SETBP1: variants seen among roughly 807,000 people sequenced by gnomAD.
SETBP1 encodes SET-binding protein.
A neutral mutation model predicts 101.0 loss-of-function variants in SETBP1; 9 were observed. The observed-to-expected ratio is 0.09, with a 90% CI of 0.05 to 0.16. The LOEUF (loss-of-function observed/expected upper bound fraction) is 0.16. Among genes scored for constraint, SETBP1 ranks in the 10% least tolerant of loss-of-function variants. The pLI is 1.00. For synonymous variants in SETBP1, 818 were observed against 788.5 expected, an observed-to-expected ratio of 1.04 and a Z score of -0.63; for missense variants, 1,858 against 2,033.8, an observed-to-expected ratio of 0.91 and a Z score of 1.66.
rs528390186 is a variant in SETBP1, at chr18:44,802,434, G to T, written c.487-66796G>T. Among the ~76,000 whole-genome samples the T allele has an allele frequency of 1.8e-4, 28 of 152,272 alleles. 1 individual carries two copies. The highest frequency in any genetic ancestry group is 6.7e-4 in the African/African-American group (28 of 41,568). On this transcript the variant is annotated intron_variant, in intron 2 of 5. Transcript: ENST00000649279. The stretch of plus-strand genomic sequence containing the variant: ...AAGTGTCTGACTATATACAACCAAA[G>T]AATAAGCGACAACTTTGCTTATTTG...
chr18:44,794,648 G>A (rs2071436170), intron 2 of SETBP1, among the ~76,000 whole-genome samples: 1 of 152,112 alleles, frequency 6.6e-6, no homozygotes, highest in Non-Finnish European at 1.5e-5. Context: ...CAGCCCTCTT[G>A]GTGTCGTTCT....
intron 2 of SETBP1, among the ~76,000 whole-genome samples, chr18:44,862,454 T>C (rs1032959881): frequency 1.3e-5 from 2 of 152,218 alleles, no homozygotes; most frequent in Admixed American, 6.5e-5. Flanking sequence ...ATTTTGAGTA[T>C]ATAACTTGCT....
rs1389070768 is a variant in SETBP1 at position 44,865,734 on chromosome 18, C to A, written c.487-3496C>A. 2.3e-5 allele frequency among the ~76,000 whole-genome samples: 3 copies of A among 129,182 alleles called. No individual in the cohort carries two copies. The Admixed American group carries it at 2.5e-4, about 11-fold the overall frequency. 84.7% of individuals were successfully genotyped at this position (129,182 alleles called of 152,430 possible). ...TTAGAACCCAGAAAGGCCAGGAAGGCAGAAGGCCAGAAAAGCCAGAAAGGC... is the reference window on the plus strand; with the variant it reads ...TTAGAACCCAGAAAGGCCAGGAAGGAAGAAGGCCAGAAAAGCCAGAAAGGC... On this transcript the variant is annotated intron_variant, in intron 2 of 5. Transcript: ENST00000649279.
chr18:44,990,644 CAT>C (rs2072347901), intron 4 of SETBP1, among the ~76,000 whole-genome samples: 1 of 150,924 alleles, frequency 6.6e-6, no homozygotes, highest in South Asian at 2.1e-4. Flanking sequence ...CAAAAAAAAA[CAT>C]ACACACACAC....
intron 2 of SETBP1, among the ~76,000 whole-genome samples, chr18:44,709,574 A>G (rs939082338): frequency 2.0e-5 from 3 of 152,188 alleles, no homozygotes; most frequent in Admixed American, 2.0e-4. Context: ...TCCGTTGGAC[A>G]CTTAGGACAG....
At chr18:44,796,397 T>C (rs978286954) in intron 2 of SETBP1, among the ~76,000 whole-genome samples, 1 of 152,194 alleles carries the variant, frequency 6.6e-6, no homozygotes, top group Non-Finnish European at 1.5e-5. Flanking sequence ...CTAGTGGTAA[T>C]CTAGACCAGT....
At position 44,893,744 on chromosome 18, in the gene SETBP1, CAA is replaced by C. The variant is rs546766499; in HGVS notation, c.540+24464_540+24465del. 2.5e-4 allele frequency among the ~76,000 whole-genome samples: 38 copies of C among 152,060 alleles called. No individual in the cohort carries two copies. The South Asian group carries it at 7.5e-3, about 30-fold the overall frequency. On this transcript the variant is annotated intron_variant, in intron 3 of 5. Coordinates refer to ENST00000649279, the MANE Select transcript of SETBP1 (RefSeq NM_015559.3). The stretch of plus-strand genomic sequence containing the variant: ...AAGAGGGAGGGAGAGAGAGAAATAT[CAA>C]AAGACATCATACAGAGTAAGTGCAA...
chr18:44,962,483 TG>T (rs2071632979), intron 4 of SETBP1, among the ~76,000 whole-genome samples: 2 of 152,060 alleles, frequency 1.3e-5, no homozygotes, highest in Admixed American at 1.3e-4. Flanking sequence ...AGTGGAATGA[TG>T]AAGTACCAAG....
At chr18:45,059,311 C>G (rs1383068416) in intron 5 of SETBP1, among the ~76,000 whole-genome samples, 1 of 152,142 alleles carries the variant, frequency 6.6e-6, no homozygotes, top group Non-Finnish European at 1.5e-5. Flanking sequence ...GATAGGTACT[C>G]AAAAAGCATA....
intron 2 of SETBP1, among the ~76,000 whole-genome samples, chr18:44,775,211 T>C (rs1197447641): frequency 6.6e-6 from 1 of 152,174 alleles, no homozygotes; most frequent in Non-Finnish European, 1.5e-5. Context: ...TCAGTTACTT[T>C]ATAGAGGCTC....
intron 2 of SETBP1, among the ~76,000 whole-genome samples, chr18:44,814,662 A>G (rs1345927690): frequency 6.6e-6 from 1 of 152,230 alleles, no homozygotes; most frequent in Non-Finnish European, 1.5e-5. Flanking sequence ...CCATATGAAC[A>G]ATGATCTTTA....
In SETBP1 at chr18:45,067,749, G is replaced by A. The variant is rs2145609317; in HGVS notation, c.*4051G>A. The A allele has an allele frequency of 6.6e-6, 1 of 152,262 alleles. No homozygotes were observed. The highest frequency in any genetic ancestry group is 2.1e-4 in the South Asian group (1 of 4,824). 9.4% of individuals were successfully genotyped at this position (152,262 alleles called of 1,614,324 possible). A position where few individuals can be genotyped will look rare whatever the true frequency, so the allele number is the denominator to read the frequency against. The stretch of plus-strand genomic sequence containing the variant: ...TTCTTGGAGAGTTCACCCCACTGAT[G>A]AGTCTTCCTTCCCTGTTGGACTCAG... On this transcript the variant is annotated 3_prime_UTR_variant, in exon 6 of 6. Transcript: ENST00000649279.
At chr18:44,806,939 A>T (rs1350998555) in intron 2 of SETBP1, among the ~76,000 whole-genome samples, 1 of 151,910 alleles carries the variant, frequency 6.6e-6, no homozygotes, top group Non-Finnish European at 1.5e-5. Context: ...CTAACTTTAC[A>T]TGTAGATTTA....
chr18:44,720,903 C>CG (rs1354616567), intron 2 of SETBP1, among the ~76,000 whole-genome samples: 3 of 89,652 alleles, frequency 3.3e-5, no homozygotes, highest in African/African-American at 1.2e-4. Context: ...GCCCTCCAAC[C>CG]CCCACCCCCC....
At chr18:44,936,735 C>T (rs536883570) in intron 3 of SETBP1, among the ~76,000 whole-genome samples, 7 of 152,164 alleles carry the variant, frequency 4.6e-5, no homozygotes, top group Middle Eastern at 3.4e-3. Context: ...TCCAAGGACA[C>T]GCAGATAGAC....
In SETBP1 at chr18:44,851,918, A is replaced by G. The variant is rs1044590779; in HGVS notation, c.487-17312A>G. 3.3e-5 allele frequency among the ~76,000 whole-genome samples: 5 copies of G among 152,100 alleles called. No individual in the cohort carries two copies. The East Asian group carries it at 9.7e-4, about 29-fold the overall frequency. ...TCCCTGGGCTCTGCTCCTGGAGCCC[A>G]CCCTCTTTCTGAGTGCCAACAGCTG... On this transcript the variant is annotated intron_variant, in intron 2 of 5. Coordinates refer to ENST00000649279, the MANE Select transcript of SETBP1 (RefSeq NM_015559.3).
chr18:45,025,764 T>C (rs1371928147), intron 4 of SETBP1, among the ~76,000 whole-genome samples: 4 of 152,220 alleles, frequency 2.6e-5, no homozygotes, highest in Non-Finnish European at 2.9e-5. Flanking sequence ...CAGTGGGTGA[T>C]CTTTTGCTGA....
Position 44,950,657 on chromosome 18 carries a change from T to G in SETBP1, c.1317T>G (p.Ser439=). ...EKIMPEKALA[S]GITMSSEVVN... ...TCATGCCAGAGAAAGCCTTGGCTTCTGGAATCACCATGAGCAGTGAAGTAG... is the reference window on the plus strand; with the variant it reads ...TCATGCCAGAGAAAGCCTTGGCTTCGGGAATCACCATGAGCAGTGAAGTAG... The change falls in exon 4 of 6, where the codon TCT becomes TCG. Residue 439 remains serine, a synonymous_variant. Coordinates refer to ENST00000649279, the MANE Select transcript of SETBP1 (RefSeq NM_015559.3). 1 of 1,614,176 alleles carries G rather than the reference T, an allele frequency of 6.2e-7. No homozygotes were observed. The highest frequency in any genetic ancestry group is 8.5e-7 in the Non-Finnish European group (1 of 1,180,018).
intron 4 of SETBP1, among the ~76,000 whole-genome samples, chr18:44,995,117 A>C (rs1473495312): frequency 6.6e-6 from 1 of 151,598 alleles, no homozygotes; most frequent in Admixed American, 6.6e-5. Context: ...GGCAGTAGAC[A>C]ACTGACCATG....
Sources: allele counts gnomAD v4.1 joint callset (sites outside exome capture counted in the v4.1 genomes callset), GRCh38; gene constraint gnomAD v4.1.1; transcripts MANE v1.5; gene names NCBI Gene and HGNC (gene_info 2026-07-23, HGNC 2026-07-21).